The following NCAM2 variants were observed in gnomAD, a reference collection of about 807,000 sequenced individuals.
The protein encoded by NCAM2 is neural cell adhesion molecule 2, also known as N-CAM-2.
NCAM2 carries 30 observed loss-of-function variants against 98.1 expected under a neutral mutation model. That is an observed-to-expected ratio of 0.31 (90% confidence interval 0.23 to 0.41). NCAM2 has a LOEUF of 0.41. Among genes scored for constraint, NCAM2 ranks in the 10% least tolerant of loss-of-function variants. The probability of loss-of-function intolerance (pLI) is 1.00; values close to 1 mark genes in which losing one functional copy is unlikely to be tolerated. For missense variants in NCAM2, 867 were observed against 1,005.8 expected (o/e 0.86, Z 1.87); for synonymous variants, 368 against 342.4 (o/e 1.07, Z -0.83).
chr21:21,351,802 A>T (rs2075347618), intron 8 of NCAM2, among the ~76,000 whole-genome samples: 1 of 152,222 alleles, frequency 6.6e-6, no homozygotes, highest in Non-Finnish European at 1.5e-5. Flanking sequence ...GCCAGAGTGC[A>T]GTGGCACGAT....
chr21:21,261,199 A>G (rs1003239684), intron 1 of NCAM2, among the ~76,000 whole-genome samples: 5 of 152,268 alleles, frequency 3.3e-5, no homozygotes, highest in African/African-American at 1.2e-4. Context: ...CCAGATTTAA[A>G]AAATAACAAT....
chr21:21,373,066 A>T (rs1232957571), intron 8 of NCAM2, among the ~76,000 whole-genome samples: 2 of 151,838 alleles, frequency 1.3e-5, no homozygotes. Flanking sequence ...ACTCATAGTA[A>T]ATAATAGCTG....
intron 1 of NCAM2, among the ~76,000 whole-genome samples, chr21:21,168,509 T>C (rs748776967): frequency 6.6e-6 from 1 of 152,104 alleles, no homozygotes; most frequent in Non-Finnish European, 1.5e-5. Flanking sequence ...AAACTGTCTT[T>C]CTTCACAGAT....
At chr21:21,142,377 GTT>G (rs10686568) in intron 1 of NCAM2, among the ~76,000 whole-genome samples, 1 of 107,190 alleles carries the variant, frequency 9.3e-6, no homozygotes, top group East Asian at 2.9e-4. Flanking sequence ...TTTTTTTTAT[GTT>G]TTTTTTTTTT....
chr21:21,444,107 A>G (rs1288903700), intron 12 of NCAM2, among the ~76,000 whole-genome samples: 2 of 152,026 alleles, frequency 1.3e-5, no homozygotes, highest in African/African-American at 4.8e-5. Context: ...GTTTTTGTCA[A>G]TGGTTCTGCT....
chr21:21,268,381 A>C (rs1427077301), intron 1 of NCAM2, among the ~76,000 whole-genome samples: 1 of 151,854 alleles, frequency 6.6e-6, no homozygotes, highest in Non-Finnish European at 1.5e-5. Flanking sequence ...ACCCAACAAC[A>C]TGACACTGCT....
At chr21:21,106,649 T>G (rs2146510043) in intron 1 of NCAM2, among the ~76,000 whole-genome samples, 1 of 151,880 alleles carries the variant, frequency 6.6e-6, no homozygotes, top group African/African-American at 2.4e-5. Context: ...TATTTTTATC[T>G]ATTGGTATTA....
chr21:21,191,893 A>G (rs1465377993), intron 1 of NCAM2, among the ~76,000 whole-genome samples: 1 of 152,162 alleles, frequency 6.6e-6, no homozygotes, highest in Admixed American at 6.5e-5. Flanking sequence ...GGGTTAGATC[A>G]CCTAAGCAAA....
chr21:21,395,457 A>G (rs2076483533), intron 9 of NCAM2, among the ~76,000 whole-genome samples: 1 of 152,250 alleles, frequency 6.6e-6, no homozygotes, highest in Admixed American at 6.5e-5. Context: ...AAAGCAGTCT[A>G]CAAATTCAAT....
chr21:21,051,157 A>G (rs1337239443), intron 1 of NCAM2, among the ~76,000 whole-genome samples: 1 of 152,172 alleles, frequency 6.6e-6, no homozygotes, highest in African/African-American at 2.4e-5. Flanking sequence ...GTCCGAGGTA[A>G]TATCCTTTTT....
At chr21:21,359,673 C>A (rs950878618) in intron 8 of NCAM2, among the ~76,000 whole-genome samples, 3 of 151,786 alleles carry the variant, frequency 2.0e-5, no homozygotes, top group African/African-American at 7.2e-5. Flanking sequence ...TAAGGCTTTG[C>A]AGCAAAACAT....
Position 21,169,149 on chromosome 21 carries a change from C to T in NCAM2, c.56-111429C>T, listed in dbSNP as rs187237211. Among the ~76,000 whole-genome samples, 5 of 152,128 alleles carry T rather than the reference C, an allele frequency of 3.3e-5. No homozygotes were observed. The East Asian group carries it at 9.7e-4, about 29-fold the overall frequency. On this transcript the variant is annotated intron_variant, in intron 1 of 17. Coordinates refer to ENST00000400546, the MANE Select transcript of NCAM2 (RefSeq NM_004540.5). ...AGTAGACCCACATCATTATAGTCAG[C>T]TGATCTTTGATAAAGGAGCAAAGGT...
chr21:21,395,649 C>G (rs550341941), intron 9 of NCAM2, among the ~76,000 whole-genome samples: 1 of 152,108 alleles, frequency 6.6e-6, no homozygotes, highest in African/African-American at 2.4e-5. Flanking sequence ...AACAAAACAG[C>G]ATGGATTAAA....
At chr21:21,515,411 A>C (rs943357645) in intron 16 of NCAM2, among the ~76,000 whole-genome samples, 1 of 152,190 alleles carries the variant, frequency 6.6e-6, no homozygotes, top group Admixed American at 6.5e-5. Flanking sequence ...TAAATTTTTT[A>C]AAAAATGTTT....
At chr21:21,236,687 T>C (rs1262339213) in intron 1 of NCAM2, among the ~76,000 whole-genome samples, 1 of 152,144 alleles carries the variant, frequency 6.6e-6, no homozygotes, top group Non-Finnish European at 1.5e-5. Flanking sequence ...AATAAACTTT[T>C]AGATACCCAT....
chr21:21,230,467 G>T (rs1228972044), intron 1 of NCAM2, among the ~76,000 whole-genome samples: 1 of 151,168 alleles, frequency 6.6e-6, no homozygotes, highest in Admixed American at 6.6e-5. Context: ...CAAGCCTGAG[G>T]CCCAAAGATA....
At chr21:21,475,822 A>G (rs953668986) in intron 14 of NCAM2, among the ~76,000 whole-genome samples, 1 of 152,184 alleles carries the variant, frequency 6.6e-6, no homozygotes, top group Non-Finnish European at 1.5e-5. Flanking sequence ...AAAACAGGCC[A>G]AACTTTTCTG....
At chr21:21,235,195 TA>T (rs2070771778) in intron 1 of NCAM2, among the ~76,000 whole-genome samples, 1 of 151,968 alleles carries the variant, frequency 6.6e-6, no homozygotes, top group Non-Finnish European at 1.5e-5. Flanking sequence ...GTAAGAAAGA[TA>T]TTTTTATAAA....
chr21:21,109,107 C>A (rs2066405576), intron 1 of NCAM2, among the ~76,000 whole-genome samples: 1 of 152,132 alleles, frequency 6.6e-6, no homozygotes, highest in South Asian at 2.1e-4. Context: ...AAAGATCAGT[C>A]ATAATTTGTG....
Sources: allele counts gnomAD v4.1 joint callset (sites outside exome capture counted in the v4.1 genomes callset), GRCh38; gene constraint gnomAD v4.1.1; transcripts MANE v1.5; gene names NCBI Gene and HGNC (gene_info 2026-07-23, HGNC 2026-07-21).